SVEP1: variants seen among roughly 807,000 people sequenced by gnomAD.
SVEP1 encodes sushi, von Willebrand factor type A, EGF and pentraxin domain-containing protein 1.
Under a neutral mutation model 367.3 loss-of-function variants are expected in SVEP1, and 164 were observed. The observed-to-expected ratio is 0.45, with a 90% CI of 0.39 to 0.51. The LOEUF is 0.51. SVEP1 is among the 20% of genes least tolerant of loss of function. SVEP1 has a pLI of 0.00. For synonymous variants in SVEP1, 1,666 were observed against 1,611.6 expected, an observed-to-expected ratio of 1.03 and a Z score of -0.81; for missense variants, 4,117 against 4,425.3, an observed-to-expected ratio of 0.93 and a Z score of 1.98.
intron 9 of SVEP1, 38 bp downstream of exon 9, chr9:110,489,612 A>G (rs778241513): frequency 3.8e-6 from 6 of 1,577,000 alleles, no homozygotes; most frequent in Non-Finnish European, 5.2e-6. Context: ...GTTCAAGATG[A>G]CGTTTGGATG....
chr9:110,572,020 A>G (rs889485840), intron 1 of SVEP1, among the ~76,000 whole-genome samples: 1 of 152,224 alleles, frequency 6.6e-6, no homozygotes, highest in African/African-American at 2.4e-5. Flanking sequence ...TTGGCTTTAC[A>G]TCTTGTGTAA....
chr9:110,563,304 A>G (rs1830452978), intron 1 of SVEP1, among the ~76,000 whole-genome samples: 1 of 152,212 alleles, frequency 6.6e-6, no homozygotes, highest in South Asian at 2.1e-4. Context: ...ATATAATTAC[A>G]TATGCCCACA....
At chr9:110,391,623 C>G (rs1057347330) in intron 40 of SVEP1, among the ~76,000 whole-genome samples, 1 of 152,068 alleles carries the variant, frequency 6.6e-6, no homozygotes, top group Non-Finnish European at 1.5e-5. Flanking sequence ...AACCTTTAAA[C>G]TTTTGGAAAC....
chr9:110,446,928 T>C lies in SVEP1; in HGVS notation c.4233A>G (p.Pro1411=). Residue 1411 remains proline (P), a synonymous_variant, in exon 25 of 48, where the codon CCA becomes CCG. Coordinates refer to ENST00000374469, the MANE Select transcript of SVEP1 (RefSeq NM_153366.4). The part of the protein sequence containing the change: ...ELNSYSCKCQ[P]GFSGKRCETE... ...TTTCACACCTTTTGCCTGAAAATCCTGGCTGACATTTACAACTGTATGAAT... is the reference window on the plus strand; with the variant it reads ...TTTCACACCTTTTGCCTGAAAATCCCGGCTGACATTTACAACTGTATGAAT... The C allele has an allele frequency of 6.5e-7, 1 of 1,539,950 alleles. No individual in the cohort carries two copies.
At chr9:110,471,240 C>A in intron 16 of SVEP1, 124 bp downstream of exon 16, 1 of 775,140 alleles carries the variant, frequency 1.3e-6, no homozygotes, top group East Asian at 2.7e-5. Context: ...GTAATAATAA[C>A]AACCACACAA....
At chr9:110,401,300 A>G (rs1242123976) in intron 39 of SVEP1, among the ~76,000 whole-genome samples, 1 of 152,064 alleles carries the variant, frequency 6.6e-6, no homozygotes, top group African/African-American at 2.4e-5. Context: ...CAAGAAATAT[A>G]TTTTCATTAT....
At position 110,385,963 on chromosome 9, in the gene SVEP1, T is replaced by G. The variant is rs1827515563; in HGVS notation, c.10172A>C (p.Gln3391Pro). 6.2e-7 allele frequency: 1 copy of G among 1,613,822 alleles called. No homozygotes were observed. The highest frequency in any genetic ancestry group is 1.3e-5 in the African/African-American group (1 of 74,932). Residue 3391 changes from glutamine (Q) to proline (P), a missense_variant, in exon 43 of 48, where the codon CAG (glutamine) becomes CCG (proline). This residue lies in a region of SVEP1 where 1,765 missense variants were observed against 1,781.1 expected (regional missense o/e 0.99). Transcript: ENST00000374469. ...GTTGCAGGTAATGATGCCGTGGCCC[T>G]GCAGCAGAAAACCTTCCCTACATTT... ...SIKCREGFLL[Q>P]GHGIITCNPD...
chr9:110,405,049 G>A (rs564896563), intron 38 of SVEP1, among the ~76,000 whole-genome samples: 3 of 151,808 alleles, frequency 2.0e-5, no homozygotes, highest in Non-Finnish European at 4.4e-5. Flanking sequence ...ACAAAAAACC[G>A]GTAATAACCA....
chr9:110,564,776 A>T (rs1445478897), intron 1 of SVEP1, among the ~76,000 whole-genome samples: 2 of 151,890 alleles, frequency 1.3e-5, no homozygotes, highest in African/African-American at 2.4e-5. Context: ...TTCAGGGTTG[A>T]CTTTGATTCA....
intron 18 of SVEP1, 38 bp downstream of exon 18, chr9:110,465,827 A>G (rs1250049245): frequency 3.8e-6 from 6 of 1,594,800 alleles, no homozygotes; most frequent in Non-Finnish European, 5.1e-6. Context: ...AGAACCTAGT[A>G]GGTTTAAAGA....
At chr9:110,530,376 G>T (rs1373346914) in intron 3 of SVEP1, among the ~76,000 whole-genome samples, 2 of 152,112 alleles carry the variant, frequency 1.3e-5, no homozygotes, top group East Asian at 3.8e-4. Flanking sequence ...TTGGACGTTA[G>T]GGACATGTCT....
chr9:110,387,958 A>T (rs1160498340), intron 41 of SVEP1, among the ~76,000 whole-genome samples: 1 of 144,386 alleles, frequency 6.9e-6, no homozygotes, highest in Non-Finnish European at 1.5e-5. Flanking sequence ...TTTCATCTGA[A>T]ATTTAAATAT....
intron 7 of SVEP1, among the ~76,000 whole-genome samples, chr9:110,497,544 GA>G (rs1265299316): frequency 2.0e-5 from 3 of 152,154 alleles, no homozygotes; most frequent in African/African-American, 7.2e-5. Context: ...AATATTTTTT[GA>G]ATGAACTAAA....
At chr9:110,457,473 A>T in intron 20 of SVEP1, 121 bp from the exon 21 acceptor site, 1 of 746,660 alleles carries the variant, frequency 1.3e-6, no homozygotes, top group Non-Finnish European at 2.2e-6. Flanking sequence ...AGGTAAGTTC[A>T]CTCAAGCTAG....
intron 14 of SVEP1, among the ~76,000 whole-genome samples, chr9:110,473,738 A>C (rs1345798068): frequency 6.6e-6 from 1 of 152,226 alleles, no homozygotes; most frequent in Non-Finnish European, 1.5e-5. Context: ...GTCTAAAGGA[A>C]AAATATGCAT....
chr9:110,431,324 T>A (rs1296508147), intron 32 of SVEP1, among the ~76,000 whole-genome samples: 1 of 152,212 alleles, frequency 6.6e-6, no homozygotes, highest in East Asian at 1.9e-4. Context: ...TAATATTACA[T>A]GAAATAACTA....
chr9:110,568,773 A>C (rs1830519916), intron 1 of SVEP1, among the ~76,000 whole-genome samples: 1 of 152,232 alleles, frequency 6.6e-6, no homozygotes, highest in African/African-American at 2.4e-5. Flanking sequence ...CCATGTAGAT[A>C]CACAAATATA....
Position 110,435,221 on chromosome 9 carries a change from T to C in SVEP1, c.4888+20A>G. On this transcript the variant is annotated intron_variant, in intron 29 of 47. Coordinates refer to ENST00000374469, the MANE Select transcript of SVEP1 (RefSeq NM_153366.4). ...GGTGGTCAAGAGATAGTGGAGTCTA[T>C]GAAAGAAGGAAATTCTCACCAGAAC... 1 of 1,610,914 alleles carries C rather than the reference T, an allele frequency of 6.2e-7. No individual in the cohort carries two copies. Among genetic ancestry groups the C allele is most frequent in the Non-Finnish European group, 8.5e-7 (1 of 1,178,030 alleles).
At chr9:110,521,977 T>C (rs1007684186) in intron 3 of SVEP1, among the ~76,000 whole-genome samples, 10 of 152,174 alleles carry the variant, frequency 6.6e-5, no homozygotes, top group Non-Finnish European at 1.3e-4. Context: ...CTTAAATATT[T>C]GATCCATTTT....
Sources: gnomAD v4.1 joint callset for allele counts (sites outside exome capture counted in the v4.1 genomes callset) on GRCh38, gnomAD v4.1.1 for gene constraint, gnomAD v4.1.1 regional missense constraint, MANE v1.5 for transcripts, NCBI Gene and HGNC (gene_info 2026-07-23, HGNC 2026-07-21) for gene names.